Variants in NFAM1 observed in about 807,000 individuals in gnomAD.
NFAM1 encodes NFAT activation molecule 1.
NFAM1 carries 17 observed loss-of-function variants against 29.0 expected under a neutral mutation model. The ratio of observed to expected loss-of-function variants is 0.59; its 90% CI spans 0.40 to 0.88. The LOEUF (loss-of-function observed/expected upper bound fraction) is 0.88. Among genes scored for constraint, NFAM1 ranks in the 40% least tolerant of loss-of-function variants. The pLI, the probability that NFAM1 is intolerant of heterozygous loss-of-function variation, is 0.00. For missense variants in NFAM1, 324 were observed against 344.6 expected (o/e 0.94, Z 0.47); for synonymous variants, 175 against 147.2 (o/e 1.19, Z -1.36).
intron 1 of NFAM1, among the ~76,000 whole-genome samples, chr22:42,428,092 C>G (rs1259763439): frequency 1.3e-5 from 2 of 152,212 alleles, no homozygotes; most frequent in African/African-American, 4.8e-5. Flanking sequence ...GTGCCCGGAC[C>G]CCTACCTGAG....
At chr22:42,435,219 G>A (rs905934349), upstream of NFAM1, among the ~76,000 whole-genome samples, 3 of 152,220 alleles carry the variant, frequency 2.0e-5, 1 homozygote, top group Admixed American at 2.0e-4. Context: ...TGAAGGAGGT[G>A]GAAGCTGGGT....
At chr22:42,431,661 G>A (rs890218031) in intron 1 of NFAM1, among the ~76,000 whole-genome samples, 1 of 152,192 alleles carries the variant, frequency 6.6e-6, no homozygotes, top group Non-Finnish European at 1.5e-5. Flanking sequence ...AGACACACTT[G>A]CATCCTAAAA....
upstream of NFAM1, among the ~76,000 whole-genome samples, chr22:42,433,290 C>T (rs373747465): frequency 1.2e-4 from 18 of 152,316 alleles, no homozygotes; most frequent in South Asian, 6.2e-4. Context: ...ACATGGAAGA[C>T]GCAGGCGGGA....
rs533479412 is a variant in NFAM1, at chr22:42,382,975, G to A, written c.*2186C>T. 3.2e-4 allele frequency: 49 copies of A among 152,582 alleles called. No homozygotes were observed. Among genetic ancestry groups the A allele is most frequent in the African/African-American group, 1.2e-3 (49 of 41,558 alleles). The allele number at this position is 152,582 out of a possible 1,614,324, so 9.5% of individuals were successfully genotyped here. Reference sequence around the variant, plus strand: ...ACCTCCTACGCCACAGGGAGGAGTTGGAATTTTATTCCAAGTGAGGCAAAA... The same window carrying A: ...ACCTCCTACGCCACAGGGAGGAGTTAGAATTTTATTCCAAGTGAGGCAAAA... On this transcript the variant is annotated 3_prime_UTR_variant, in exon 6 of 6. Transcript: ENST00000329021.
chr22:42,410,825 G>T (rs1188949520), intron 2 of NFAM1, among the ~76,000 whole-genome samples: 1 of 152,092 alleles, frequency 6.6e-6, no homozygotes, highest in Non-Finnish European at 1.5e-5. Context: ...GGCACACTGA[G>T]ACCAAGGGCC....
chr22:42,382,889 G>A lies in NFAM1; in HGVS notation c.*2272C>T. On this transcript the variant is annotated 3_prime_UTR_variant, in exon 6 of 6. Coordinates refer to ENST00000329021, the MANE Select transcript of NFAM1 (RefSeq NM_145912.8). ...CCAGCCTTGCCCTGAACCAAGCACAGACGACCACCACGCTGGCAATGTCTC... is the reference window on the plus strand; with the variant it reads ...CCAGCCTTGCCCTGAACCAAGCACAAACGACCACCACGCTGGCAATGTCTC... The A allele has an allele frequency of 6.5e-6, 1 of 152,962 alleles. No homozygotes were observed. The highest frequency in any genetic ancestry group is 1.5e-5 in the Non-Finnish European group (1 of 68,414). 9.5% of individuals were successfully genotyped at this position (152,962 alleles called of 1,614,324 possible). A position where few individuals can be genotyped will look rare whatever the true frequency, so the allele number is the denominator to read the frequency against.
chr22:42,416,877 C>T (rs1350861553), intron 1 of NFAM1, among the ~76,000 whole-genome samples: 1 of 152,170 alleles, frequency 6.6e-6, no homozygotes, highest in Non-Finnish European at 1.5e-5. Flanking sequence ...TCTAGACTGG[C>T]TCATGCAGCT....
rs536969928 is a variant in NFAM1, at chr22:42,419,588, G to T, written c.122-7852C>A. ...TGGAGGATCCAGTTCTTGCCTCCCAGGACCTGCACAGCCCCGCTCAGCTGC... is the reference window on the plus strand; with the variant it reads ...TGGAGGATCCAGTTCTTGCCTCCCATGACCTGCACAGCCCCGCTCAGCTGC... On this transcript the variant is annotated intron_variant, in intron 1 of 5. Coordinates refer to ENST00000329021, the MANE Select transcript of NFAM1 (RefSeq NM_145912.8). The surrounding 1 kb of genome is among the most constrained non-coding windows in gnomAD (Gnocchi z 4.5). 1.6e-4 allele frequency among the ~76,000 whole-genome samples: 24 copies of T among 152,302 alleles called. 1 individual carries two copies. The South Asian group carries it at 5.0e-3, about 32-fold the overall frequency.
intron 4 of NFAM1, among the ~76,000 whole-genome samples, chr22:42,389,741 C>A (rs1219000941): frequency 1.3e-5 from 2 of 152,020 alleles, no homozygotes; most frequent in Non-Finnish European, 2.9e-5. Flanking sequence ...CCAGGCCCCC[C>A]AGGCCCTTTG....
chr22:42,395,240 G>A (rs980285344), intron 4 of NFAM1, among the ~76,000 whole-genome samples: 4 of 151,814 alleles, frequency 2.6e-5, no homozygotes, highest in East Asian at 1.9e-4. Flanking sequence ...TTAGGAGGCC[G>A]AGGCGGGTGG....
chr22:42,386,588 A>C (rs1450270556), intron 5 of NFAM1, among the ~76,000 whole-genome samples: 2 of 152,132 alleles, frequency 1.3e-5, no homozygotes, highest in African/African-American at 4.8e-5. Context: ...CTGGAAGCCT[A>C]ACACCCCTGT....
intron 4 of NFAM1, among the ~76,000 whole-genome samples, chr22:42,395,710 G>C (rs773850605): frequency 6.6e-6 from 1 of 150,948 alleles, no homozygotes; most frequent in Non-Finnish European, 1.5e-5. Flanking sequence ...GTGAAACCCC[G>C]TCTCTACTAA....
Position 42,386,995 on chromosome 22 carries a change from GA to G in NFAM1, c.746del (p.Leu249ProfsTer47), listed in dbSNP as rs1233594607. 2.6e-6 allele frequency: 4 copies of G among 1,555,600 alleles called. No individual in the cohort carries two copies. In the African/African-American group the frequency reaches 4.2e-5, roughly 16 times the overall value. On this transcript the variant is annotated frameshift_variant, in exon 5 of 6. Transcript: ENST00000329021. LOFTEE classifies it high-confidence loss of function. Reference sequence around the variant, plus strand: ...TGCCCCAGCGCCTGTGTACCTGGGAGAGGGGGCTCTGCTTGGCGGTGGGTGA... The same window carrying G: ...TGCCCCAGCGCCTGTGTACCTGGGAGGGGGGCTCTGCTTGGCGGTGGGTGA... Reference protein sequence around the residue: ...GSSPTAKQSPLSQERPHRFED... With the variant: ...GSSPTAKQSPXSQERPHRFED...
At chr22:42,414,026 C>T (rs1276279324) in intron 1 of NFAM1, among the ~76,000 whole-genome samples, 2 of 152,010 alleles carry the variant, frequency 1.3e-5, no homozygotes, top group Non-Finnish European at 2.9e-5. Context: ...TGCACTCCAG[C>T]CTGAATGACA....
At chr22:42,433,283 T>C (rs879742046), upstream of NFAM1, among the ~76,000 whole-genome samples, 1 of 152,182 alleles carries the variant, frequency 6.6e-6, no homozygotes, top group African/African-American at 2.4e-5. Flanking sequence ...ACCTGGTACA[T>C]GGAAGACGCA....
intron 1 of NFAM1, among the ~76,000 whole-genome samples, chr22:42,424,708 C>A (rs1303312703): frequency 2.6e-5 from 4 of 151,680 alleles, no homozygotes; most frequent in African/African-American, 4.8e-5. Flanking sequence ...GGGCACTGTG[C>A]CTTGGTGGAG....
chr22:42,417,628 T>G (rs1359794882), intron 1 of NFAM1, among the ~76,000 whole-genome samples: 1 of 150,842 alleles, frequency 6.6e-6, no homozygotes, highest in Non-Finnish European at 1.5e-5. Context: ...GGGCAGAGAG[T>G]GAGGAGGGGC....
chr22:42,396,724 A>G (rs1250079296), intron 4 of NFAM1, among the ~76,000 whole-genome samples: 1 of 152,174 alleles, frequency 6.6e-6, no homozygotes, highest in Non-Finnish European at 1.5e-5. Context: ...GAGAACCATC[A>G]CATTCCACTT....
intron 3 of NFAM1, among the ~76,000 whole-genome samples, chr22:42,405,834 C>T (rs541374544): frequency 1.3e-5 from 2 of 152,298 alleles, no homozygotes; most frequent in African/African-American, 4.8e-5. Flanking sequence ...TAGGACCATT[C>T]GCGCCAGTGT....
Sources: gnomAD v4.1 joint callset for allele counts (sites outside exome capture counted in the v4.1 genomes callset) on GRCh38, gnomAD v4.1.1 for gene constraint, Gnocchi (gnomAD v3.1) non-coding constraint, MANE v1.5 for transcripts, NCBI Gene and HGNC (gene_info 2026-07-23, HGNC 2026-07-21) for gene names.